The following TMEM114 variants were observed in gnomAD, a reference collection of about 807,000 sequenced individuals.
TMEM114 encodes the protein transmembrane protein 114.
In TMEM114, 6 loss-of-function variants were observed where a neutral mutation model predicts 6.2. The ratio of observed to expected loss-of-function variants is 0.97; its 90% CI spans 0.53 to 1.91. TMEM114 has a LOEUF of 1.91. Among genes scored for constraint, TMEM114 ranks in the 40% most tolerant of loss-of-function variants. The pLI is 0.01. For missense variants in TMEM114, 218 were observed against 158.3 expected, an observed-to-expected ratio of 1.38 and a Z score of -2.02; for synonymous variants, 104 against 73.0, an observed-to-expected ratio of 1.42 and a Z score of -2.16.
downstream of TMEM114, among the ~76,000 whole-genome samples, chr16:8,535,116 C>G (rs571849135): frequency 6.6e-6 from 1 of 152,268 alleles, no homozygotes; most frequent in South Asian, 2.1e-4. Context: ...TCCTCTGTGC[C>G]TAGTCTCTGA....
downstream of TMEM114, among the ~76,000 whole-genome samples, chr16:8,535,834 T>A (rs11640816): frequency 0.33 from 50,383 of 152,104 alleles, 9,265 homozygotes; most frequent in East Asian, 0.46. Flanking sequence ...GGGCTGAGAA[T>A]CACAATACCC....
chr16:8,531,574 T>C, the TMEM114 span, among the ~76,000 whole-genome samples: 88,634 of 151,996 alleles, frequency 0.58, 25,861 homozygotes, highest in South Asian at 0.68. Flanking sequence ...CATGCAGAAG[T>C]TTATTTAACC....
At chr16:8,531,369 C>T in the TMEM114 span, among the ~76,000 whole-genome samples, 1 of 152,166 alleles carries the variant, frequency 6.6e-6, no homozygotes, top group Non-Finnish European at 1.5e-5. Context: ...CATAACTTAT[C>T]CCATTCCAAC....
downstream of TMEM114, among the ~76,000 whole-genome samples, chr16:8,535,041 G>C (rs1174225006): frequency 6.6e-6 from 1 of 152,164 alleles, no homozygotes; most frequent in East Asian, 1.9e-4. Context: ...GGCTGGTGCT[G>C]AGATGCTATG....
At chr16:8,560,668 T>G (rs1007934365) in intron 2 of TMEM114, among the ~76,000 whole-genome samples, 1 of 152,166 alleles carries the variant, frequency 6.6e-6, no homozygotes, top group Non-Finnish European at 1.5e-5. Flanking sequence ...AGTCTTCTCC[T>G]TCTGTGGGCC....
chr16:8,537,110 G>A (rs576547371), downstream of TMEM114, among the ~76,000 whole-genome samples: 66 of 152,234 alleles, frequency 4.3e-4, no homozygotes, highest in African/African-American at 1.6e-3. Flanking sequence ...GGAGGCTGAG[G>A]CTGGAAGATC....
At chr16:8,552,457 C>A (rs2141660137) in intron 2 of TMEM114, among the ~76,000 whole-genome samples, 1 of 152,050 alleles carries the variant, frequency 6.6e-6, no homozygotes, top group Non-Finnish European at 1.5e-5. Flanking sequence ...AGGTCTGCTT[C>A]ATGATTGTGC....
At chr16:8,565,497 G>C (rs577704282), downstream of TMEM114, among the ~76,000 whole-genome samples, 33 of 152,266 alleles carry the variant, frequency 2.2e-4, 2 homozygotes, top group Admixed American at 8.5e-4. Context: ...AGCCTCCCCA[G>C]CAAAGGGACA....
At chr16:8,550,909 G>T (rs1010622174) in intron 2 of TMEM114, among the ~76,000 whole-genome samples, 1 of 152,166 alleles carries the variant, frequency 6.6e-6, no homozygotes, top group Admixed American at 6.5e-5. Flanking sequence ...CGCAGTAGAA[G>T]ACTGAGCAAA....
At chr16:8,575,350 A>G (rs1596310972) in intron 2 of TMEM114, among the ~76,000 whole-genome samples, 1 of 152,348 alleles carries the variant, frequency 6.6e-6, no homozygotes, top group East Asian at 1.9e-4. Context: ...AGACAAAAAT[A>G]AATAAGTCGC....
At chr16:8,554,342 G>C (rs1020903009) in intron 2 of TMEM114, among the ~76,000 whole-genome samples, 2 of 152,140 alleles carry the variant, frequency 1.3e-5, no homozygotes, top group South Asian at 2.1e-4. Context: ...CATCGCTTGA[G>C]ACCAGGAGTT....
intron 2 of TMEM114, among the ~76,000 whole-genome samples, chr16:8,561,254 C>G (rs1901190012): frequency 6.6e-6 from 1 of 152,222 alleles, no homozygotes; most frequent in African/African-American, 2.4e-5. Context: ...TCTTGGGCAA[C>G]ACTTATTGAG....
At chr16:8,572,756 G>A (rs1462599060) in intron 2 of TMEM114, among the ~76,000 whole-genome samples, 1 of 152,204 alleles carries the variant, frequency 6.6e-6, no homozygotes, top group Non-Finnish European at 1.5e-5. Context: ...TCTAACAAGA[G>A]AGAAGCCGCA....
intron 2 of TMEM114, among the ~76,000 whole-genome samples, chr16:8,585,664 C>G (rs922592917): frequency 3.3e-5 from 5 of 151,700 alleles, no homozygotes; most frequent in Non-Finnish European, 4.4e-5. Flanking sequence ...GGGTGATTTG[C>G]AAGGAGTACA....
chr16:8,561,309 CA>C (rs1307304316), intron 2 of TMEM114, among the ~76,000 whole-genome samples: 1 of 152,222 alleles, frequency 6.6e-6, no homozygotes, highest in Non-Finnish European at 1.5e-5. Flanking sequence ...TCTGGTCTCT[CA>C]AAAGACTGGA....
At chr16:8,544,376 T>C (rs971258689) in intron 2 of TMEM114, among the ~76,000 whole-genome samples, 6 of 152,210 alleles carry the variant, frequency 3.9e-5, no homozygotes, top group Non-Finnish European at 7.3e-5. Context: ...AGAAAACACA[T>C]GGTCTCCTCA....
At chr16:8,546,064 A>G (rs1437610639) in intron 2 of TMEM114, among the ~76,000 whole-genome samples, 1 of 152,182 alleles carries the variant, frequency 6.6e-6, no homozygotes, top group African/African-American at 2.4e-5. Context: ...ATAGTGAGCT[A>G]TGATCATGTC....
downstream of TMEM114, among the ~76,000 whole-genome samples, chr16:8,565,386 T>C (rs1000976817): frequency 7.2e-5 from 11 of 152,176 alleles, no homozygotes; most frequent in Non-Finnish European, 1.0e-4. Context: ...TGAATGGATC[T>C]TCTTTGCCAG....
intron 2 of TMEM114, among the ~76,000 whole-genome samples, chr16:8,580,115 CACTAATGAGAAATCCAA>C (rs1380870324): frequency 4.6e-5 from 7 of 152,166 alleles, no homozygotes; most frequent in Non-Finnish European, 1.0e-4. Flanking sequence ...CCACAAGCCA[CACTAATGAGAAATCCAA>C]CCACAGAGGC....
Sources: gnomAD v4.1 joint callset for allele counts (sites outside exome capture counted in the v4.1 genomes callset) on GRCh38, gnomAD v4.1.1 for gene constraint, MANE v1.5 for transcripts, NCBI Gene and HGNC (gene_info 2026-07-23, HGNC 2026-07-21) for gene names.